PIK3C2B: variants seen among roughly 807,000 people sequenced by gnomAD.
The protein encoded by PIK3C2B is phosphatidylinositol 4-phosphate 3-kinase C2 domain-containing subunit beta.
PIK3C2B carries 83 observed loss-of-function variants against 184.3 expected under a neutral mutation model. That is an observed-to-expected ratio of 0.45 (90% CI 0.38 to 0.54). The LOEUF (loss-of-function observed/expected upper bound fraction) is 0.54. Among genes scored for constraint, PIK3C2B ranks in the 20% least tolerant of loss-of-function variants. PIK3C2B has a pLI of 0.00. For missense variants in PIK3C2B, 1,736 were observed against 2,113.5 expected (o/e 0.82, Z 3.50); for synonymous variants, 779 against 837.6 (o/e 0.93, Z 1.21).
Position 204,446,354 on chromosome 1 carries a change from T to C in PIK3C2B, c.2490-210A>G, listed in dbSNP as rs562718533. Among the ~76,000 whole-genome samples the C allele has an allele frequency of 4.6e-5, 7 of 152,274 alleles. No individual in the cohort carries two copies. In the East Asian group the frequency reaches 1.2e-3, roughly 25 times the overall value. ...TGGGTCACACCTGATACCAGTTAAG[T>C]CCAAATGGCTGGGGAAGCCAGGCAT... On this transcript the variant is annotated intron_variant, in intron 15 of 32. Transcript: ENST00000684373.
Position 204,434,569 on chromosome 1 carries a change from C to A in PIK3C2B, c.3556G>T (p.Val1186Leu). 1.9e-6 allele frequency: 3 copies of A among 1,614,076 alleles called. No individual in the cohort carries two copies. The highest frequency in any genetic ancestry group is 2.5e-6 in the Non-Finnish European group (3 of 1,179,948). Residue 1186 changes from valine to leucine, a missense_variant, in exon 24 of 33, where the codon GTG becomes TTG. Val to Leu is a conservative substitution (Grantham distance 32). Around this residue, in one of 8 missense-constraint regions of PIK3C2B, gnomAD observed 17 missense variants for 57.2 expected, o/e 0.30. Coordinates refer to ENST00000684373, the MANE Select transcript of PIK3C2B (RefSeq NM_001377334.1). ...CAGATGCCCAAGACGTACGTGGCCA[C>A]GCAGCAGCCAGCGCAGGAGTAGATA... Reference protein sequence around the residue: ...NFIYSCAGCCVATYVLGICDR... With the variant: ...NFIYSCAGCCLATYVLGICDR...
At chr1:204,438,476 C>T (rs1219723889) in intron 23 of PIK3C2B, among the ~76,000 whole-genome samples, 2 of 152,164 alleles carry the variant, frequency 1.3e-5, no homozygotes, top group Non-Finnish European at 2.9e-5. Context: ...CATATCAGCT[C>T]CATAACTAGG....
chr1:204,479,808 T>C (rs1463604317), intron 1 of PIK3C2B, among the ~76,000 whole-genome samples: 9 of 152,262 alleles, frequency 5.9e-5, no homozygotes, highest in African/African-American at 2.2e-4. Context: ...GCAGGATTCA[T>C]TCCTGTGTGG....
At chr1:204,439,214 T>C in intron 22 of PIK3C2B, 143 bp from the exon 23 acceptor site, 1 of 809,960 alleles carries the variant, frequency 1.2e-6, no homozygotes. Context: ...AGGAAGAGAA[T>C]AACCATAGAA....
chr1:204,438,893 G>T, intron 23 of PIK3C2B, 42 bp downstream of exon 23: 1 of 1,553,324 alleles, frequency 6.4e-7, no homozygotes, highest in Non-Finnish European at 8.8e-7. Context: ...CCGGCATCAG[G>T]CACACACACA....
chr1:204,469,493 TG>T lies in PIK3C2B; in HGVS notation c.309del (p.Asn104ThrfsTer44). ...TGTGGCCCTTGGGAGGTAGAGTGGT[TG>T]GGCGGCCCTTCCTGTGGGGAGAGTG... ...YNSLSPQEGP[P>X]NHSTSQGPQP... On this transcript the variant is annotated frameshift_variant, in exon 2 of 33. Transcript: ENST00000684373. LOFTEE classifies it high-confidence loss of function. 1 of 1,607,582 alleles carries T rather than the reference TG, an allele frequency of 6.2e-7. No homozygotes were observed. Among genetic ancestry groups the T allele is most frequent in the South Asian group, 1.1e-5 (1 of 89,850 alleles).
At chr1:204,462,252 C>A (rs1404609568) in intron 5 of PIK3C2B, among the ~76,000 whole-genome samples, 1 of 152,188 alleles carries the variant, frequency 6.6e-6, no homozygotes, top group East Asian at 1.9e-4. Context: ...GCTCCCACTA[C>A]CTCCGGACCC....
Position 204,447,546 on chromosome 1 carries a change from C to T in PIK3C2B, c.2379G>A (p.Lys793=). The T allele has an allele frequency of 3.7e-6, 6 of 1,611,550 alleles. No individual in the cohort carries two copies. The South Asian group carries it at 6.6e-5, about 18-fold the overall frequency. Residue 793 remains lysine, a synonymous_variant, in exon 15 of 33, where the codon AAG becomes AAA. Coordinates refer to ENST00000684373, the MANE Select transcript of PIK3C2B (RefSeq NM_001377334.1). The surrounding 1 kb of genome is among the most constrained non-coding windows in gnomAD (Gnocchi z 4.1). ...IDFPTSAFDI[K]FTSPPGDKFS... The stretch of plus-strand genomic sequence containing the variant: ...ACTTGTCTCCAGGGGGGCTGGTGAA[C>T]TTGATGTCAAAGGCCGAGGTGGGGA...
chr1:204,441,214 T>C (rs545101047), intron 21 of PIK3C2B, among the ~76,000 whole-genome samples: 1 of 152,326 alleles, frequency 6.6e-6, no homozygotes, highest in East Asian at 1.9e-4. Flanking sequence ...CAACCCATTG[T>C]TGAGGGAGCT....
chr1:204,432,453 G>A (rs372210467), intron 26 of PIK3C2B, 52 bp from the exon 27 acceptor site: 8 of 1,429,982 alleles, frequency 5.6e-6, no homozygotes, highest in Non-Finnish European at 6.9e-6. Context: ...AATTCCTGCT[G>A]CCTCGACAGG....
intron 1 of PIK3C2B, among the ~76,000 whole-genome samples, chr1:204,488,667 A>G (rs1382448957): frequency 6.6e-6 from 1 of 152,132 alleles, no homozygotes; most frequent in East Asian, 1.9e-4. Context: ...GCGAGATTAA[A>G]CTGCTTTCAG....
intron 1 of PIK3C2B, among the ~76,000 whole-genome samples, chr1:204,477,413 A>T (rs1381152543): frequency 6.6e-6 from 1 of 152,216 alleles, no homozygotes; most frequent in Non-Finnish European, 1.5e-5. Context: ...AAACAAGAGG[A>T]CATGCCTATG....
chr1:204,450,245 G>C, intron 12 of PIK3C2B: 1 of 461,276 alleles, frequency 2.2e-6, no homozygotes, highest in Non-Finnish European at 3.8e-6. Flanking sequence ...TTGGAGCTTT[G>C]CAGTAGAGTG....
At chr1:204,427,843 T>A (rs1674830488) in intron 30 of PIK3C2B, 89 bp from the exon 31 acceptor site, 1 of 891,628 alleles carries the variant, frequency 1.1e-6, no homozygotes, top group African/African-American at 1.7e-5. Context: ...AGCCTCTCCA[T>A]GTCAGATTTC....
chr1:204,444,607 C>G (rs1179061932), intron 16 of PIK3C2B, among the ~76,000 whole-genome samples, 183 bp from the exon 17 acceptor site: 5 of 152,280 alleles, frequency 3.3e-5, no homozygotes, highest in Non-Finnish European at 4.4e-5. Context: ...TGGGAATGAG[C>G]CTTCCTCACG....
chr1:204,436,962 G>A (rs1446577011), intron 23 of PIK3C2B, among the ~76,000 whole-genome samples: 1 of 152,166 alleles, frequency 6.6e-6, no homozygotes, highest in East Asian at 1.9e-4. Flanking sequence ...GGGAAGAAAT[G>A]ACTTTCCAGG....
chr1:204,425,111 G>T (rs566310341), intron 32 of PIK3C2B, 71 bp from the exon 33 acceptor site: 2 of 1,306,294 alleles, frequency 1.5e-6, no homozygotes, highest in Admixed American at 3.9e-5. Flanking sequence ...GAACCCGAGA[G>T]GGAGATGGTA....
In PIK3C2B at chr1:204,427,674, T is replaced by A; in HGVS notation, c.4561A>T (p.Ile1521Phe). The A allele has an allele frequency of 6.2e-7, 1 of 1,613,170 alleles. No individual in the cohort carries two copies. Among genetic ancestry groups the A allele is most frequent in the Non-Finnish European group, 8.5e-7 (1 of 1,179,170 alleles). Residue 1521 changes from isoleucine to phenylalanine, a missense_variant, in exon 31 of 33, where the codon ATC becomes TTC. This residue lies in a region of PIK3C2B where 95 missense variants were observed against 164.2 expected (regional missense o/e 0.58). Coordinates refer to ENST00000684373, the MANE Select transcript of PIK3C2B (RefSeq NM_001377334.1). ...SISYKNNKLF[I>F]MVMHIRGLQL... ...AAGCCCCGAATATGCATCACCATGA[T>A]GAAGAGTTTATTGTTTTTGTAGGAG...
rs1473191719 is a variant in PIK3C2B at position 204,433,748 on chromosome 1, C to T, written c.3843+45G>A. 1 of 1,566,282 alleles carries T rather than the reference C, an allele frequency of 6.4e-7. No individual in the cohort carries two copies. Among genetic ancestry groups the T allele is most frequent in the South Asian group, 1.1e-5 (1 of 89,842 alleles). ...GACAGGGAAGTCTTAAAGATGATGC[C>T]AGATAATAAGAAGAAGGTATTCGGA... On this transcript the variant is annotated intron_variant, in intron 25 of 32. Coordinates refer to ENST00000684373, the MANE Select transcript of PIK3C2B (RefSeq NM_001377334.1). The surrounding 1 kb of genome is among the most constrained non-coding windows in gnomAD (Gnocchi z 5.0).
Sources: allele counts gnomAD v4.1 joint callset (sites outside exome capture counted in the v4.1 genomes callset), GRCh38; gene constraint gnomAD v4.1.1; regional missense constraint gnomAD v4.1.1; non-coding constraint Gnocchi (gnomAD v3.1); transcripts MANE v1.5; gene names NCBI Gene and HGNC (gene_info 2026-07-23, HGNC 2026-07-21).